MYH15: variants seen among roughly 807,000 people sequenced by gnomAD.
MYH15 encodes the protein myosin-15.
In MYH15, 227 loss-of-function variants were observed where a neutral mutation model predicts 240.5. That is an observed-to-expected ratio of 0.94 (90% CI 0.85 to 1.05). The LOEUF (loss-of-function observed/expected upper bound fraction) is 1.05, where lower values mean the gene tolerates loss of function less well. MYH15 is among the 50% of genes least tolerant of loss of function. The pLI is 0.00. For missense variants in MYH15, 2,217 were observed against 2,247.5 expected (o/e 0.99, Z 0.27); for synonymous variants, 785 against 796.7 (o/e 0.99, Z 0.25).
chr3:108,509,315 T>C lies in MYH15; in HGVS notation c.88+1128A>G, dbSNP rs1014666918. ...TTTTAATAAATGCATCATCCAATTA[T>C]CTCTAATGCTTAGGCTCAATTTTTT... On this transcript the variant is annotated intron_variant, in intron 1 of 40. Coordinates refer to ENST00000693548, the MANE Select transcript of MYH15 (RefSeq NM_014981.3). Among the ~76,000 whole-genome samples the C allele has an allele frequency of 2.6e-5, 4 of 152,226 alleles. No homozygotes were observed. In the South Asian group the frequency reaches 6.2e-4, roughly 24 times the overall value.
At chr3:108,411,687 GCT>G (rs772900644) in intron 30 of MYH15, among the ~76,000 whole-genome samples, 93 of 152,320 alleles carry the variant, frequency 6.1e-4, no homozygotes, top group Middle Eastern at 3.4e-3. Context: ...CTGCAGGGTT[GCT>G]GGCAGTCCCA....
intron 21 of MYH15, 135 bp from the exon 22 acceptor site, chr3:108,445,030 A>T (rs2082916186): frequency 1.0e-6 from 1 of 1,002,376 alleles, no homozygotes; most frequent in African/African-American, 1.6e-5. Flanking sequence ...GCACTTTTAT[A>T]TCTGGACTTT....
rs2082851801 is a variant in MYH15, at chr3:108,437,676, C to T, written c.3099G>A (p.Glu1033=). 6.2e-7 allele frequency: 1 copy of T among 1,613,634 alleles called. No homozygotes were observed. The highest frequency in any genetic ancestry group is 8.5e-7 in the Non-Finnish European group (1 of 1,179,862). ...TTTCACAGTTCATTCTCGCTTTTCT[C>T]TCCTGCTCAAGGGCACCCTCAAGCT... The part of the protein sequence containing the change: ...VDELEGALEQ[E]RKARMNCERE... Residue 1033 remains glutamate (E), a synonymous_variant, in exon 25 of 41, where the codon GAG becomes GAA. Transcript: ENST00000693548.
Position 108,380,679 on chromosome 3 carries a change from G to A in MYH15, c.*866C>T, listed in dbSNP as rs1469676732. On this transcript the variant is annotated 3_prime_UTR_variant, in exon 41 of 41. Coordinates refer to ENST00000693548, the MANE Select transcript of MYH15 (RefSeq NM_014981.3). ...GGCTGGCAGGAGCTGGAAGAGCTCT[G>A]GGTCCAGGGAGCTGTCTCTGGTCTC... is the stretch of plus-strand genomic sequence containing the variant. 1.3e-5 allele frequency: 2 copies of A among 152,528 alleles called. No homozygotes were observed. Among genetic ancestry groups the A allele is most frequent in the African/African-American group, 2.4e-5 (1 of 41,450 alleles). 9.4% of individuals were successfully genotyped at this position (152,528 alleles called of 1,614,324 possible). A position where few individuals can be genotyped will look rare whatever the true frequency, so the allele number is the denominator to read the frequency against.
Position 108,461,053 on chromosome 3 carries a change from C to G in MYH15, c.1865-686G>C, listed in dbSNP as rs1034971916. 5.3e-5 allele frequency among the ~76,000 whole-genome samples: 8 copies of G among 152,144 alleles called. No individual in the cohort carries two copies. The South Asian group carries it at 1.0e-3, about 20-fold the overall frequency. On this transcript the variant is annotated intron_variant, in intron 16 of 40. Coordinates refer to ENST00000693548, the MANE Select transcript of MYH15 (RefSeq NM_014981.3). Reference sequence around the variant, plus strand: ...TTCCATTTTCTTGAAGAAAAAGAACCTGTGCTAGGCCAACCAGCTTTACAA... The same window carrying G: ...TTCCATTTTCTTGAAGAAAAAGAACGTGTGCTAGGCCAACCAGCTTTACAA...
intron 27 of MYH15, among the ~76,000 whole-genome samples, chr3:108,424,793 A>G (rs141175627): frequency 1.2e-4 from 19 of 152,352 alleles, no homozygotes; most frequent in African/African-American, 4.6e-4. Flanking sequence ...GAGAGTTAAC[A>G]GAAACAATTT....
intron 14 of MYH15, among the ~76,000 whole-genome samples, chr3:108,469,095 G>T (rs1242565975): frequency 6.6e-6 from 1 of 152,152 alleles, no homozygotes; most frequent in Non-Finnish European, 1.5e-5. Context: ...ATCTACTCCT[G>T]TTGGAAATAA....
intron 40 of MYH15, among the ~76,000 whole-genome samples, chr3:108,382,508 A>G (rs1186233307): frequency 6.6e-6 from 1 of 152,202 alleles, no homozygotes; most frequent in African/African-American, 2.4e-5. Context: ...ATTTGTATAA[A>G]ATAATCAGGA....
intron 1 of MYH15, among the ~76,000 whole-genome samples, chr3:108,506,951 A>G (rs569978580): frequency 6.6e-6 from 1 of 152,226 alleles, no homozygotes; most frequent in South Asian, 2.1e-4. Flanking sequence ...GAATCACTTG[A>G]ACCAGAGAGT....
At chr3:108,548,101 A>G in the MYH15 span, among the ~76,000 whole-genome samples, 35,203 of 152,094 alleles carry the variant, frequency 0.23, 4,786 homozygotes, top group Middle Eastern at 0.32. Flanking sequence ...GGATGAGAAG[A>G]GGACAGATGG....
intron 9 of MYH15, among the ~76,000 whole-genome samples, chr3:108,491,380 T>C (rs1391943829): frequency 2.0e-5 from 3 of 152,070 alleles, no homozygotes; most frequent in African/African-American, 7.2e-5. Context: ...TTATTCCACA[T>C]TTTTTTTCTT....
At chr3:108,506,623 G>A (rs995036478) in intron 1 of MYH15, among the ~76,000 whole-genome samples, 25 of 152,108 alleles carry the variant, frequency 1.6e-4, no homozygotes, top group African/African-American at 6.0e-4. Context: ...AGTGGCTCAT[G>A]TTCATAATTC....
In MYH15 at chr3:108,496,218, C is replaced by T. The variant is rs183544608; in HGVS notation, c.619-346G>A. Among the ~76,000 whole-genome samples the T allele has an allele frequency of 2.1e-3, 320 of 152,320 alleles. 2 individuals carry two copies. Among genetic ancestry groups the T allele is most frequent in the African/African-American group, 7.4e-3 (309 of 41,574 alleles). ...AGACAAACATATCATATATTTCCCC[C>T]ATCATTAATCTTCCTCTCTTCCCAT... On this transcript the variant is annotated intron_variant, in intron 6 of 40. Transcript: ENST00000693548.
rs769624537 is a variant in MYH15 at position 108,492,506 on chromosome 3, G to C, written c.865C>G (p.Leu289Val). Residue 289 changes from leucine (L) to valine (V), a missense_variant, in exon 9 of 41, where the codon CTT (leucine) becomes GTT (valine). By Grantham distance (32) the Leu-to-Val change is conservative (BLOSUM62 1). Transcript: ENST00000693548. ...FYQILSGQKELHDLLLVSANP... is the reference protein window; with the variant it reads ...FYQILSGQKEVHDLLLVSANP... ...TCCAGAATCCTACACTTACCATGAA[G>C]CTCTTTTTGTCCAGATAGAATTTGA... 19 of 1,607,846 alleles carry C rather than the reference G, an allele frequency of 1.2e-5. No homozygotes were observed. The highest frequency in any genetic ancestry group is 2.6e-6 in the Non-Finnish European group (3 of 1,175,032).
intron 5 of MYH15, among the ~76,000 whole-genome samples, chr3:108,498,620 G>C (rs891604562): frequency 6.6e-6 from 1 of 152,184 alleles, no homozygotes; most frequent in South Asian, 2.1e-4. Flanking sequence ...TGTGGGAAGA[G>C]CACAGTGGCA....
At chr3:108,515,083 T>A (rs1158743115), upstream of MYH15, among the ~76,000 whole-genome samples, 1 of 152,174 alleles carries the variant, frequency 6.6e-6, no homozygotes, top group Middle Eastern at 3.2e-3. Flanking sequence ...CCTGCTCTCA[T>A]CCACAGGAAT....
chr3:108,453,905 A>G, intron 21 of MYH15, 101 bp downstream of exon 21: 1 of 1,203,326 alleles, frequency 8.3e-7, no homozygotes, highest in Non-Finnish European at 1.1e-6. Flanking sequence ...GCCTAAGCAG[A>G]GGAGGCAGCT....
At chr3:108,493,027 A>AAGGAAGGG (rs2083364558) in intron 8 of MYH15, 87 bp downstream of exon 8, 1 of 1,006,284 alleles carries the variant, frequency 9.9e-7, no homozygotes, top group Admixed American at 2.0e-5. Flanking sequence ...GAAGAAAAGG[A>AAGGAAGGG]AGGAAGGAAG....
intron 11 of MYH15, among the ~76,000 whole-genome samples, chr3:108,484,207 A>G (rs183071607): frequency 3.9e-5 from 6 of 152,314 alleles, no homozygotes; most frequent in African/African-American, 1.4e-4. Context: ...GGTAATAACA[A>G]CTATGCTTTC....
Sources: allele counts gnomAD v4.1 joint callset (sites outside exome capture counted in the v4.1 genomes callset), GRCh38; gene constraint gnomAD v4.1.1; transcripts MANE v1.5; gene names NCBI Gene and HGNC (gene_info 2026-07-23, HGNC 2026-07-21).